PLD2: variants seen among roughly 807,000 people sequenced by gnomAD.
PLD2 encodes phospholipase D2.
In PLD2, 101 loss-of-function variants were observed where a neutral mutation model predicts 119.8. The observed-to-expected ratio is 0.84, with a 90% confidence interval of 0.72 to 0.99. The LOEUF (loss-of-function observed/expected upper bound fraction) is 0.99, where lower values mean the gene tolerates loss of function less well. Ranked by LOEUF, PLD2 falls within the 50% of genes least tolerant of loss-of-function variation. The probability of loss-of-function intolerance (pLI) is 0.00; values close to 1 mark genes in which losing one functional copy is unlikely to be tolerated. For missense variants in PLD2, 1,164 were observed against 1,226.8 expected (o/e 0.95, Z 0.76); for synonymous variants, 494 against 482.8 (o/e 1.02, Z -0.30).
Position 4,819,104 on chromosome 17 carries a change from T to C in PLD2, c.2194T>C (p.Tyr732His). ...KAAMGTAWRD[Y>H]ISICGLRTHG... ...CGCAGTGGGGACAGCATGGCGGGAC[T>C]ATATTTCCATCTGCGGGCTTCGTAC... Residue 732 changes from tyrosine to histidine, a missense_variant, in exon 22 of 25, where the codon TAT (tyrosine) becomes CAT (histidine). Physicochemically the swap from Tyr to His is moderately conservative, Grantham distance 83. Coordinates refer to ENST00000263088, the MANE Select transcript of PLD2 (RefSeq NM_002663.5). This position sits in a 1 kb window ranked among gnomAD's most constrained non-coding sequence, Gnocchi z 4.2. The C allele has an allele frequency of 6.2e-7, 1 of 1,614,170 alleles. No homozygotes were observed. Among genetic ancestry groups the C allele is most frequent in the Non-Finnish European group, 8.5e-7 (1 of 1,180,006 alleles).
chr17:4,814,571 A>AG, intron 11 of PLD2, 62 bp from the exon 12 acceptor site: 1 of 1,612,964 alleles, frequency 6.2e-7, no homozygotes, highest in Non-Finnish European at 8.5e-7. Context: ...TAGGAGGAGA[A>AG]GGGGGGTGCA....
rs3786041 is a variant in PLD2, at chr17:4,808,813, G to A, written c.384-287G>A. ...CCTCCTGGGCTCAAGCAGTCCTCCC[G>A]TCTCAGCCTCCAGAGTAGCTAGGAC... is the stretch of plus-strand genomic sequence containing the variant. On this transcript the variant is annotated intron_variant, in intron 4 of 24. Coordinates refer to ENST00000263088, the MANE Select transcript of PLD2 (RefSeq NM_002663.5). The surrounding 1 kb of genome is among the most constrained non-coding windows in gnomAD (Gnocchi z 4.1). Among the ~76,000 whole-genome samples, 55,975 of 151,888 alleles carry A rather than the reference G, an allele frequency of 0.37. 11,679 individuals are homozygous for A. Among genetic ancestry groups the A allele is most frequent in the Non-Finnish European group, 0.49 (33,047 of 67,938 alleles).
chr17:4,821,479 G>A (rs748892459), intron 23 of PLD2, among the ~76,000 whole-genome samples: 9 of 151,540 alleles, frequency 5.9e-5, no homozygotes, highest in African/African-American at 2.2e-4. Context: ...CTGCAACCTC[G>A]ACTTCGCCAG....
At position 4,807,193 on chromosome 17, in the gene PLD2, G is replaced by C. The variant is rs1166349177; in HGVS notation, c.-34G>C. On this transcript the variant is annotated 5_prime_UTR_variant, in exon 1 of 25. Coordinates refer to ENST00000263088, the MANE Select transcript of PLD2 (RefSeq NM_002663.5). The surrounding 1 kb of genome is among the most constrained non-coding windows in gnomAD (Gnocchi z 5.4). ...GCTCCGGTCTGCTCTCTTGGCTCCG[G>C]AACCCCCGCGGGCGCTGGCTCCGTC... The C allele has an allele frequency of 6.6e-6, 1 of 151,702 alleles. No individual in the cohort carries two copies. Among genetic ancestry groups the C allele is most frequent in the Non-Finnish European group, 1.5e-5 (1 of 67,804 alleles). 9.4% of individuals were successfully genotyped at this position (151,702 alleles called of 1,614,324 possible). A position where few individuals can be genotyped will look rare whatever the true frequency, so the allele number is the denominator to read the frequency against.
Position 4,807,764 on chromosome 17 carries a change from G to A in PLD2, c.-1-8G>A. 1 of 1,547,450 alleles carries A rather than the reference G, an allele frequency of 6.5e-7. No individual in the cohort carries two copies. The highest frequency in any genetic ancestry group is 1.1e-5 in the South Asian group (1 of 89,570). ...GCTCGCCTCCCTGAGGCTTCCCAAT[G>A]TTCCTAGGATGACGGCGACCCCTGA... On this transcript the variant is annotated splice_region_variant and splice_polypyrimidine_tract_variant and intron_variant, in intron 1 of 24. Coordinates refer to ENST00000263088, the MANE Select transcript of PLD2 (RefSeq NM_002663.5). The surrounding 1 kb of genome is among the most constrained non-coding windows in gnomAD (Gnocchi z 5.4).
Position 4,818,496 on chromosome 17 carries a change from A to T in PLD2, c.2012A>T (p.Gln671Leu). Residue 671 changes from glutamine (Q) to leucine (L), a missense_variant and splice_region_variant, in exon 20 of 25, where the codon CAG becomes CTG. Physicochemically the swap from Gln to Leu is moderately radical, Grantham distance 113 (BLOSUM62 -2). Coordinates refer to ENST00000263088, the MANE Select transcript of PLD2 (RefSeq NM_002663.5). The part of the protein sequence containing the change: ...IVDRILKAHK[Q>L]GWCYRVYVLL... ...CTCTGACTCCACCCCCTCCCCAGAC[A>T]GGGGTGGTGTTACCGAGTCTACGTG... 1 of 1,610,236 alleles carries T rather than the reference A, an allele frequency of 6.2e-7. No individual in the cohort carries two copies. The highest frequency in any genetic ancestry group is 1.7e-5 in the Admixed American group (1 of 60,002).
Position 4,809,045 on chromosome 17 carries a change from A to T in PLD2, c.384-55A>T. On this transcript the variant is annotated intron_variant, in intron 4 of 24. Transcript: ENST00000263088. ...AGCCCCATCTCCAGTGTTTTCAGGA[A>T]CCAGAGCACCCAGCCTCCCAGCTCT... The T allele has an allele frequency of 8.7e-6, 12 of 1,377,702 alleles. 1 individual carries two copies. In the South Asian group the frequency reaches 1.4e-4, roughly 16 times the overall value. The allele number at this position is 1,377,702 out of a possible 1,614,324, so 85.3% of individuals were successfully genotyped here.
rs1906998983 is a variant in PLD2, at chr17:4,816,627, C to T, written c.1463C>T (p.Thr488Ile). The change falls in exon 15 of 25, where the codon ACC (threonine) becomes ATC (isoleucine). Residue 488 changes from threonine to isoleucine, a missense_variant. Transcript: ENST00000263088. ...SSESAASQPPTPRPDSPATPD... is the reference protein window; with the variant it reads ...SSESAASQPPIPRPDSPATPD... ...GGTGTGTTCCCCCTACAGCCTCCCA[C>T]CCCGCGCCCAGACTCACCAGCCACC... 2 of 1,613,978 alleles carry T rather than the reference C, an allele frequency of 1.2e-6. No individual in the cohort carries two copies. Among genetic ancestry groups the T allele is most frequent in the Non-Finnish European group, 1.7e-6 (2 of 1,179,896 alleles).
intron 17 of PLD2, 26 bp downstream of exon 17, chr17:4,817,285 C>G (rs1907085069): frequency 6.9e-7 from 1 of 1,439,380 alleles, no homozygotes; most frequent in Non-Finnish European, 9.8e-7. Flanking sequence ...TCAGCCAGCC[C>G]TCCCCTTTGT....
chr17:4,814,549 G>T, intron 11 of PLD2, 48 bp downstream of exon 11: 1 of 1,612,622 alleles, frequency 6.2e-7, no homozygotes, highest in Non-Finnish European at 8.5e-7. Context: ...AGAGCCTGGG[G>T]CAGATCAGCA....
Position 4,814,479 on chromosome 17 carries a change from G to A in PLD2, c.1072G>A (p.Glu358Lys), listed in dbSNP as rs191478800. 2.5e-6 allele frequency: 4 copies of A among 1,613,346 alleles called. No individual in the cohort carries two copies. In the African/African-American group the frequency reaches 5.3e-5, roughly 22 times the overall value. The change falls in exon 11 of 25, where the codon GAG (glutamate) becomes AAG (lysine). Residue 358 changes from glutamate (E) to lysine (K), a missense_variant. Transcript: ENST00000263088. ...VADAILRAQE[E>K]IFITDWWLSP... ...AGATGCCATCCTTCGAGCTCAAGAG[G>A]AGATTTTCATCACAGACTGGTGGTG...
chr17:4,820,473 G>T (rs1195710025), intron 23 of PLD2, among the ~76,000 whole-genome samples: 2 of 146,406 alleles, frequency 1.4e-5, no homozygotes. Context: ...TCGCTGTGTT[G>T]GCCAGGCTGA....
At position 4,819,264 on chromosome 17, in the gene PLD2, A is replaced by G. The variant is rs1331830922; in HGVS notation, c.2308+46A>G. 6.2e-7 allele frequency: 1 copy of G among 1,609,892 alleles called. No individual in the cohort carries two copies. The highest frequency in any genetic ancestry group is 2.2e-5 in the East Asian group (1 of 44,832). On this transcript the variant is annotated intron_variant, in intron 22 of 24. Coordinates refer to ENST00000263088, the MANE Select transcript of PLD2 (RefSeq NM_002663.5). This position sits in a 1 kb window ranked among gnomAD's most constrained non-coding sequence, Gnocchi z 4.2. The stretch of plus-strand genomic sequence containing the variant: ...TCTGGCAGGGAGAGGGTGTGGGGAC[A>G]GGCGAAGAGATGAGAGGCAGGATGA...
chr17:4,811,568 G>A (rs533714888), intron 10 of PLD2, among the ~76,000 whole-genome samples: 14 of 152,210 alleles, frequency 9.2e-5, no homozygotes, highest in African/African-American at 2.9e-4. Flanking sequence ...GTGAGCCACC[G>A]TGCCCAGCCT....
At chr17:4,817,858 T>C (rs2150677831) in intron 17 of PLD2, 144 bp from the exon 18 acceptor site, 1 of 573,032 alleles carries the variant, frequency 1.7e-6, no homozygotes, top group African/African-American at 1.9e-5. Context: ...CTTAGGAGGC[T>C]GAGGCAGGAG....
In PLD2 at chr17:4,808,812, C is replaced by T. The variant is rs969380789; in HGVS notation, c.384-288C>T. On this transcript the variant is annotated intron_variant, in intron 4 of 24. Coordinates refer to ENST00000263088, the MANE Select transcript of PLD2 (RefSeq NM_002663.5). The surrounding 1 kb of genome is among the most constrained non-coding windows in gnomAD (Gnocchi z 4.1). The stretch of plus-strand genomic sequence containing the variant: ...ACCTCCTGGGCTCAAGCAGTCCTCC[C>T]GTCTCAGCCTCCAGAGTAGCTAGGA... Among the ~76,000 whole-genome samples the T allele has an allele frequency of 2.6e-5, 4 of 152,106 alleles. No individual in the cohort carries two copies. In the East Asian group the frequency reaches 5.8e-4, roughly 22 times the overall value.
chr17:4,823,018 C>T lies in PLD2; in HGVS notation c.*154C>T, dbSNP rs1450232503. 8.5e-6 allele frequency: 5 copies of T among 588,760 alleles called. No individual in the cohort carries two copies. Among genetic ancestry groups the T allele is most frequent in the South Asian group, 4.3e-5 (2 of 46,174 alleles). 36.5% of individuals were successfully genotyped at this position (588,760 alleles called of 1,614,324 possible). A position where few individuals can be genotyped will look rare whatever the true frequency, so the allele number is the denominator to read the frequency against. ...CTAGAGGTGTTACAGAGGACCCTTA[C>T]GTGAGAAATAGCTGAAAAGGGCACT... On this transcript the variant is annotated 3_prime_UTR_variant, in exon 25 of 25. Coordinates refer to ENST00000263088, the MANE Select transcript of PLD2 (RefSeq NM_002663.5).
Position 4,817,031 on chromosome 17 carries a change from C to T in PLD2, c.1677C>T (p.Phe559=). The T allele has an allele frequency of 6.2e-7, 1 of 1,613,850 alleles. No homozygotes were observed. Among genetic ancestry groups the T allele is most frequent in the African/African-American group, 1.3e-5 (1 of 75,054 alleles). ...CGGCCCGGGACCTTGCCCGGCACTT[C>T]ATCCAGCGCTGGAACTTCACCAAGG... is the stretch of plus-strand genomic sequence containing the variant. The part of the protein sequence containing the change: ...GLPARDLARH[F]IQRWNFTKTT... The change falls in exon 16 of 25, where the codon TTC becomes TTT. Residue 559 remains phenylalanine, a synonymous_variant. Coordinates refer to ENST00000263088, the MANE Select transcript of PLD2 (RefSeq NM_002663.5).
rs781176427 is a variant in PLD2 at position 4,816,616 on chromosome 17, A to G, written c.1456-4A>G. 7.4e-6 allele frequency: 12 copies of G among 1,613,188 alleles called. No homozygotes were observed. The highest frequency in any genetic ancestry group is 6.6e-5 in the South Asian group (6 of 91,028). On this transcript the variant is annotated splice_polypyrimidine_tract_variant and splice_region_variant and intron_variant, in intron 14 of 24. Transcript: ENST00000263088. Reference sequence around the variant, plus strand: ...CCCCTGGCTTGGGTGTGTTCCCCCTACAGCCTCCCACCCCGCGCCCAGACT... The same window carrying G: ...CCCCTGGCTTGGGTGTGTTCCCCCTGCAGCCTCCCACCCCGCGCCCAGACT...
Sources: allele counts gnomAD v4.1 joint callset (sites outside exome capture counted in the v4.1 genomes callset), GRCh38; gene constraint gnomAD v4.1.1; non-coding constraint Gnocchi (gnomAD v3.1); transcripts MANE v1.5; gene names NCBI Gene and HGNC (gene_info 2026-07-23, HGNC 2026-07-21).